Variants in MAGI2 observed in about 807,000 individuals in gnomAD.
The protein encoded by MAGI2 is membrane associated guanylate kinase, WW and PDZ domain containing 2, also known as membrane-associated guanylate kinase, WW and PDZ domain-containing protein 2.
A neutral mutation model predicts 133.3 loss-of-function variants in MAGI2; 35 were observed. The ratio of observed to expected loss-of-function variants is 0.26; its 90% CI spans 0.20 to 0.35. The LOEUF is 0.35. Among genes scored for constraint, MAGI2 ranks in the 10% least tolerant of loss-of-function variants. The pLI, the probability that MAGI2 is intolerant of heterozygous loss-of-function variation, is 1.00. For synonymous variants in MAGI2, 729 were observed against 710.6 expected (o/e 1.03, Z -0.41); for missense variants, 1,636 against 1,863.4 (o/e 0.88, Z 2.25).
At chr7:79,231,754 C>T (rs1831391843) in intron 1 of MAGI2, among the ~76,000 whole-genome samples, 1 of 143,800 alleles carries the variant, frequency 7.0e-6, no homozygotes, top group Non-Finnish European at 1.5e-5. Flanking sequence ...GACAATTTGA[C>T]TTCCTCTTTT....
chr7:78,948,740 C>T (rs1419423387), intron 2 of MAGI2, among the ~76,000 whole-genome samples: 1 of 151,916 alleles, frequency 6.6e-6, no homozygotes, highest in African/African-American at 2.4e-5. Flanking sequence ...TCCTTACTTT[C>T]CTAAATAACT....
chr7:78,402,866 T>G (rs62468765), intron 6 of MAGI2, among the ~76,000 whole-genome samples: 1 of 152,014 alleles, frequency 6.6e-6, no homozygotes, highest in Non-Finnish European at 1.5e-5. Flanking sequence ...CATGCAAATA[T>G]GTAATATATG....
At chr7:79,450,060 T>C (rs1303352636) in intron 1 of MAGI2, among the ~76,000 whole-genome samples, 1 of 151,858 alleles carries the variant, frequency 6.6e-6, no homozygotes, top group Non-Finnish European at 1.5e-5. Context: ...ATTCTTATTA[T>C]TCAAATCTTA....
chr7:78,164,743 CT>C (rs1484095387), intron 15 of MAGI2, among the ~76,000 whole-genome samples: 1 of 152,238 alleles, frequency 6.6e-6, no homozygotes, highest in Non-Finnish European at 1.5e-5. Flanking sequence ...AAGACTGACT[CT>C]AACATGTTTT....
At chr7:79,349,050 A>G (rs186935400) in intron 1 of MAGI2, among the ~76,000 whole-genome samples, 3 of 152,106 alleles carry the variant, frequency 2.0e-5, no homozygotes, top group Non-Finnish European at 4.4e-5. Flanking sequence ...ATTATTTTTC[A>G]TTCACTTTCT....
At chr7:79,290,669 T>A (rs930876607) in intron 1 of MAGI2, among the ~76,000 whole-genome samples, 2 of 152,050 alleles carry the variant, frequency 1.3e-5, no homozygotes, top group African/African-American at 2.4e-5. Context: ...TTCACACATT[T>A]AGTGTTCATT....
At chr7:78,854,197 C>G (rs1374192725) in intron 2 of MAGI2, among the ~76,000 whole-genome samples, 2 of 151,974 alleles carry the variant, frequency 1.3e-5, no homozygotes, top group East Asian at 3.9e-4. Flanking sequence ...ATAAATACAA[C>G]AAATATTTTT....
intron 6 of MAGI2, among the ~76,000 whole-genome samples, chr7:78,421,079 C>T (rs1226946612): frequency 6.6e-6 from 1 of 152,128 alleles, no homozygotes; most frequent in African/African-American, 2.4e-5. Context: ...AATTGTGGAG[C>T]TGTTGGCCAA....
chr7:78,166,531 A>G (rs1563205601), intron 15 of MAGI2, among the ~76,000 whole-genome samples: 1 of 152,228 alleles, frequency 6.6e-6, no homozygotes, highest in East Asian at 1.9e-4. Flanking sequence ...CAAAACCTCT[A>G]TAAGATACAA....
chr7:78,662,991 T>C (rs933859795), intron 2 of MAGI2, among the ~76,000 whole-genome samples: 1 of 152,130 alleles, frequency 6.6e-6, no homozygotes, highest in Non-Finnish European at 1.5e-5. Flanking sequence ...ACACAGATAA[T>C]ATATAGTAGA....
chr7:78,651,836 T>C (rs1015484710), intron 2 of MAGI2, among the ~76,000 whole-genome samples: 19 of 151,926 alleles, frequency 1.3e-4, no homozygotes, highest in African/African-American at 4.6e-4. Context: ...CCCTGCCTTC[T>C]CTGAAATGTA....
chr7:78,080,104 G>C (rs1815786736), intron 20 of MAGI2, among the ~76,000 whole-genome samples: 1 of 152,218 alleles, frequency 6.6e-6, no homozygotes, highest in Non-Finnish European at 1.5e-5. Context: ...GGATGCTGCA[G>C]GCTGGCTGAG....
intron 9 of MAGI2, among the ~76,000 whole-genome samples, chr7:78,315,975 G>A (rs1787374867): frequency 6.6e-6 from 1 of 152,058 alleles, no homozygotes; most frequent in Non-Finnish European, 1.5e-5. Flanking sequence ...ACCTTTTCAT[G>A]ATGGAAGATT....
At chr7:78,680,775 C>T (rs933459380) in intron 2 of MAGI2, among the ~76,000 whole-genome samples, 3 of 152,102 alleles carry the variant, frequency 2.0e-5, no homozygotes, top group Non-Finnish European at 4.4e-5. Context: ...TATCTGTGCT[C>T]CTTAGAGGAG....
At chr7:79,288,796 T>G (rs2129558582) in intron 1 of MAGI2, among the ~76,000 whole-genome samples, 1 of 152,258 alleles carries the variant, frequency 6.6e-6, no homozygotes, top group African/African-American at 2.4e-5. Flanking sequence ...ACAGCTACAC[T>G]ACAGCTGTGG....
chr7:79,267,093 G>C lies in MAGI2; in HGVS notation c.301+185927C>G, dbSNP rs139319290. 6.9e-4 allele frequency among the ~76,000 whole-genome samples: 105 copies of C among 152,194 alleles called. No individual in the cohort carries two copies. The East Asian group carries it at 0.012, about 17-fold the overall frequency. On this transcript the variant is annotated intron_variant, in intron 1 of 21. Coordinates refer to ENST00000354212, the MANE Select transcript of MAGI2 (RefSeq NM_012301.4). ...GACCAACCTAACACCTCCATGTATC[G>C]ATTTATGATTTTGCTTGCAATTTCC...
At chr7:78,811,810 T>C (rs1789085544) in intron 2 of MAGI2, among the ~76,000 whole-genome samples, 1 of 152,182 alleles carries the variant, frequency 6.6e-6, no homozygotes, top group African/African-American at 2.4e-5. Context: ...TCCTCAAAGA[T>C]ATCCATGTCC....
At chr7:79,265,519 T>G (rs1834387443) in intron 1 of MAGI2, among the ~76,000 whole-genome samples, 2 of 152,216 alleles carry the variant, frequency 1.3e-5, no homozygotes, top group African/African-American at 4.8e-5. Context: ...AATGTCCATA[T>G]TTATATACAC....
At chr7:78,534,248 A>G (rs1584527939) in intron 3 of MAGI2, among the ~76,000 whole-genome samples, 1 of 152,234 alleles carries the variant, frequency 6.6e-6, no homozygotes, top group East Asian at 1.9e-4. Flanking sequence ...AGTTCAAGTT[A>G]GGCTTTTTAA....
Sources: gnomAD v4.1 joint callset for allele counts (sites outside exome capture counted in the v4.1 genomes callset) on GRCh38, gnomAD v4.1.1 for gene constraint, MANE v1.5 for transcripts, NCBI Gene and HGNC (gene_info 2026-07-23, HGNC 2026-07-21) for gene names.